RIMS3: variants seen among roughly 807,000 people sequenced by gnomAD.
RIMS3 encodes the protein regulating synaptic membrane exocytosis 3.
Under a neutral mutation model 29.2 loss-of-function variants are expected in RIMS3, and 15 were observed. The observed-to-expected ratio is 0.51, with a 90% confidence interval of 0.34 to 0.79. The LOEUF (loss-of-function observed/expected upper bound fraction) is 0.79. Ranked by LOEUF, RIMS3 falls within the 30% of genes least tolerant of loss-of-function variation. The pLI is 0.01. For synonymous variants in RIMS3, 161 were observed against 170.1 expected, an observed-to-expected ratio of 0.95 and a Z score of 0.41; for missense variants, 342 against 421.4, an observed-to-expected ratio of 0.81 and a Z score of 1.65.
At chr1:40,651,342 A>G (rs1646631123) in intron 1 of RIMS3, among the ~76,000 whole-genome samples, 1 of 152,200 alleles carries the variant, frequency 6.6e-6, no homozygotes, top group African/African-American at 2.4e-5. Context: ...TGACGCGTCA[A>G]TGCGCCAAGG....
intron 2 of RIMS3, among the ~76,000 whole-genome samples, chr1:40,642,407 A>G (rs972420221): frequency 2.6e-5 from 4 of 152,176 alleles, no homozygotes; most frequent in African/African-American, 9.7e-5. Flanking sequence ...TTCAGTAAGT[A>G]TTGGTGGTTA....
chr1:40,675,814 G>A, the RIMS3 span, among the ~76,000 whole-genome samples: 1 of 151,178 alleles, frequency 6.6e-6, no homozygotes, highest in Non-Finnish European at 1.5e-5. Context: ...TGTAGTCCCA[G>A]CTACTTGGGA....
At chr1:40,633,000 C>T in intron 5 of RIMS3, 69 bp downstream of exon 5, 2 of 1,213,328 alleles carry the variant, frequency 1.6e-6, no homozygotes, top group South Asian at 1.2e-5. Context: ...TGCAGGGCCC[C>T]CACTGAGCTC....
chr1:40,664,258 C>G (rs1275191187), intron 1 of RIMS3, among the ~76,000 whole-genome samples: 2 of 151,606 alleles, frequency 1.3e-5, no homozygotes, highest in Non-Finnish European at 2.9e-5. Context: ...CACCCCGCCT[C>G]CCAACCAAGA....
chr1:40,644,014 A>ACTTGT (rs1329646896), intron 2 of RIMS3, among the ~76,000 whole-genome samples: 1 of 146,310 alleles, frequency 6.8e-6, no homozygotes, highest in Non-Finnish European at 1.5e-5. Flanking sequence ...AGCAACTCTT[A>ACTTGT]CTTGTCCAAG....
chr1:40,690,047 TTTTA>T, the RIMS3 span, among the ~76,000 whole-genome samples: 2 of 152,228 alleles, frequency 1.3e-5, no homozygotes, highest in African/African-American at 2.4e-5. Context: ...CTATGTAGAT[TTTTA>T]TTTATTTCTG....
chr1:40,663,316 G>A (rs1451457422), intron 1 of RIMS3, among the ~76,000 whole-genome samples: 2 of 152,156 alleles, frequency 1.3e-5, no homozygotes, highest in African/African-American at 2.4e-5. Flanking sequence ...ACATTGACTG[G>A]GGGGTACACA....
In RIMS3 at chr1:40,626,549, G is replaced by A. The variant is rs1646455484; in HGVS notation, c.895C>T (p.Leu299=). The part of the protein sequence containing the change: ...SLTRRLSQSS[L]ESATSPSCS ...CATGAGGGGCTGGTGGCACTCTCCA[G>A]GGAAGACTGGGACAGGCGCCTGGTG... The change falls in exon 8 of 8, where the codon CTG becomes TTG. Residue 299 remains leucine (L), a synonymous_variant. Transcript: ENST00000372684. The A allele has an allele frequency of 6.2e-7, 1 of 1,612,286 alleles. No homozygotes were observed.
chr1:40,683,949 A>C, the RIMS3 span, among the ~76,000 whole-genome samples: 1 of 152,168 alleles, frequency 6.6e-6, no homozygotes, highest in East Asian at 1.9e-4. Context: ...ACCCTCCAGC[A>C]TACCTTCATT....
chr1:40,662,535 CA>C (rs1224962474), intron 1 of RIMS3, among the ~76,000 whole-genome samples: 11 of 152,210 alleles, frequency 7.2e-5, no homozygotes, highest in Non-Finnish European at 1.5e-5. Flanking sequence ...TCTGATACAT[CA>C]GAGGTACCTG....
chr1:40,628,564 C>A (rs1470033393), intron 7 of RIMS3, among the ~76,000 whole-genome samples: 1 of 152,222 alleles, frequency 6.6e-6, no homozygotes, highest in African/African-American at 2.4e-5. Flanking sequence ...GCAGTGGTCA[C>A]ATGTGTCCTG....
chr1:40,654,164 C>T lies in RIMS3; in HGVS notation c.-206-6322G>A, dbSNP rs1642237183. ...CTCCCCTCCCCTTCCCGCCCCTCCCCCTCCCCGCCCCTCCCCCGCGCCGCT... is the reference window on the plus strand; with the variant it reads ...CTCCCCTCCCCTTCCCGCCCCTCCCTCTCCCCGCCCCTCCCCCGCGCCGCT... On this transcript the variant is annotated intron_variant, in intron 1 of 7. Transcript: ENST00000372684. This position sits in a 1 kb window ranked among gnomAD's most constrained non-coding sequence, Gnocchi z 5.3. Among the ~76,000 whole-genome samples the T allele has an allele frequency of 6.6e-6, 1 of 150,992 alleles. No homozygotes were observed. The highest frequency in any genetic ancestry group is 2.0e-4 in the East Asian group (1 of 4,990).
At chr1:40,641,992 A>G (rs1466389130) in intron 2 of RIMS3, 36 bp from the exon 3 acceptor site, 10 of 1,347,962 alleles carry the variant, frequency 7.4e-6, no homozygotes, top group Non-Finnish European at 1.0e-5. Context: ...ATCCCACATC[A>G]GACCTGGATG....
At chr1:40,691,723 T>C in the RIMS3 span, 1 of 454,768 alleles carries the variant, frequency 2.2e-6, no homozygotes, top group Non-Finnish European at 4.4e-6. Flanking sequence ...GTGGCCGCCA[T>C]CTTGCTTGTG....
intron 2 of RIMS3, among the ~76,000 whole-genome samples, chr1:40,647,109 G>C (rs1646601131): frequency 6.6e-6 from 1 of 152,112 alleles, no homozygotes; most frequent in East Asian, 1.9e-4. Flanking sequence ...TCGAACTCCT[G>C]ACCTCGTGAT....
the RIMS3 span, among the ~76,000 whole-genome samples, chr1:40,671,673 C>T: frequency 2.0e-5 from 3 of 152,112 alleles, no homozygotes; most frequent in Non-Finnish European, 4.4e-5. Flanking sequence ...CTGAGGCTTC[C>T]CCAGAAGGCA....
the RIMS3 span, chr1:40,690,605 A>C: frequency 8.5e-5 from 13 of 152,212 alleles, no homozygotes; most frequent in African/African-American, 3.1e-4. Flanking sequence ...TCATTCATTC[A>C]TCAAATAGAG....
intron 1 of RIMS3, among the ~76,000 whole-genome samples, chr1:40,659,539 T>C (rs546362676): frequency 2.0e-4 from 30 of 152,180 alleles, no homozygotes; most frequent in Non-Finnish European, 3.5e-4. Flanking sequence ...AACAGCTCAC[T>C]GTGTACCTAC....
Position 40,626,612 on chromosome 1 carries a change from G to T in RIMS3, c.832C>A (p.Pro278Thr), listed in dbSNP as rs754544402. 6.2e-7 allele frequency: 1 copy of T among 1,614,152 alleles called. No homozygotes were observed. The highest frequency in any genetic ancestry group is 1.7e-5 in the Admixed American group (1 of 60,020). ...AAVTGWYKLF[P>T]TSSVADSTLG... ...GTGGAGTCTGCCACTGAGGAGGTGG[G>T]GAAGAGTTTGTACCAGCCGGTGACC... The change falls in exon 8 of 8, where the codon CCC becomes ACC. Residue 278 changes from proline (P) to threonine (T), a missense_variant. By Grantham distance (38) the Pro-to-Thr change is conservative. Transcript: ENST00000372684.
Sources: allele counts gnomAD v4.1 joint callset (sites outside exome capture counted in the v4.1 genomes callset), GRCh38; gene constraint gnomAD v4.1.1; non-coding constraint Gnocchi (gnomAD v3.1); transcripts MANE v1.5; gene names NCBI Gene and HGNC (gene_info 2026-07-23, HGNC 2026-07-21).